The following TGFBR3L variants were observed in gnomAD, a reference collection of about 807,000 sequenced individuals.
TGFBR3L encodes transforming growth factor beta receptor 3 like.
Under a neutral mutation model 20.4 loss-of-function variants are expected in TGFBR3L, and 21 were observed. The ratio of observed to expected loss-of-function variants is 1.03; its 90% CI spans 0.73 to 1.48. The LOEUF (loss-of-function observed/expected upper bound fraction) is 1.48, where lower values mean the gene tolerates loss of function less well. Among genes scored for constraint, TGFBR3L ranks in the 40% most tolerant of loss-of-function variants. The pLI is 0.00. For missense variants in TGFBR3L, 479 were observed against 498.0 expected (o/e 0.96, Z 0.36); for synonymous variants, 245 against 244.2 (o/e 1.00, Z -0.03).
chr19:7,916,435 C>CT lies in TGFBR3L; in HGVS notation c.169dup (p.Trp57LeufsTer72), dbSNP rs1443788337. The CT allele has an allele frequency of 6.5e-6, 10 of 1,534,516 alleles. No homozygotes were observed. Among genetic ancestry groups the CT allele is most frequent in the Non-Finnish European group, 8.7e-6 (10 of 1,146,268 alleles). ...CCCCGTTCCCCGCGGCGCCCGGCCC[C>CT]TGGCTGCGCAGACCCCTCTTCAGCC... is the stretch of plus-strand genomic sequence containing the variant. On this transcript the variant is annotated frameshift_variant, in exon 1 of 6. Transcript: ENST00000565886. LOFTEE classifies it high-confidence loss of function.
chr19:7,917,632 T>C, intron 3 of TGFBR3L, 33 bp downstream of exon 4: 2 of 1,432,502 alleles, frequency 1.4e-6, no homozygotes, highest in Non-Finnish European at 1.8e-6. Flanking sequence ...CATGGGGCCG[T>C]GGGGCGGCAG....
chr19:7,918,533 G>A (rs975494262), intron 5 of TGFBR3L: 2 of 288,316 alleles, frequency 6.9e-6, no homozygotes, highest in Non-Finnish European at 1.3e-5. Flanking sequence ...ACTGCGCCCA[G>A]CCTCCAGGCA....
At chr19:7,917,024 A>G (rs1167312138) in intron 2 of TGFBR3L, 82 bp downstream of exon 3, 2 of 1,244,656 alleles carry the variant, frequency 1.6e-6, no homozygotes, top group Admixed American at 4.3e-5. Flanking sequence ...TGGAAAGAGG[A>G]TACTCTCGGG....
At position 7,915,754 on chromosome 19, in the gene TGFBR3L, G is replaced by C. The variant is rs558876451; in HGVS notation, c.-514G>C. 6.6e-6 allele frequency among the ~76,000 whole-genome samples: 1 copy of C among 152,186 alleles called. No individual in the cohort carries two copies. Among genetic ancestry groups the C allele is most frequent in the Admixed American group, 6.5e-5 (1 of 15,282 alleles). ...CCCTGTCTCAGAAAACAAGAAAAAT[G>C]GATGTGCAGGCAATCTTTCGTATTT... On this transcript the variant is annotated 5_prime_UTR_variant, in exon 1 of 6. Transcript: ENST00000565886.
rs1056991397 is a variant in TGFBR3L at position 7,915,483 on chromosome 19, G to A, written c.-785G>A. Among the ~76,000 whole-genome samples the A allele has an allele frequency of 7.2e-5, 11 of 152,180 alleles. No individual in the cohort carries two copies. Among genetic ancestry groups the A allele is most frequent in the African/African-American group, 1.4e-4 (6 of 41,458 alleles). On this transcript the variant is annotated 5_prime_UTR_variant, in exon 1 of 6. Transcript: ENST00000565886. ...CTCTTCAGAAGTGGGTGTGGTGTGC[G>A]GATGGACAAGGGGGCTCATGCCTGT...
rs912904506 is a variant in TGFBR3L, at chr19:7,914,941, G to C, written c.-1327G>C. ...GCCACCTGGTATGTATGGGCAGGGAGGTGACGGGTCTGTCATGCTTCTATC... is the reference window on the plus strand; with the variant it reads ...GCCACCTGGTATGTATGGGCAGGGACGTGACGGGTCTGTCATGCTTCTATC... On this transcript the variant is annotated 5_prime_UTR_variant, in exon 1 of 6. Coordinates refer to ENST00000565886, the MANE Select transcript of TGFBR3L (RefSeq NM_001195259.2). Among the ~76,000 whole-genome samples the C allele has an allele frequency of 6.6e-6, 1 of 152,206 alleles. No individual in the cohort carries two copies. The highest frequency in any genetic ancestry group is 2.4e-5 in the African/African-American group (1 of 41,448).
intron 5 of TGFBR3L, chr19:7,918,537 C>T (rs920932797): frequency 1.1e-4 from 31 of 289,092 alleles, no homozygotes; most frequent in African/African-American, 6.7e-4. Flanking sequence ...CGCCCAGCCT[C>T]CAGGCACTGT....
At chr19:7,918,015 TGGCGCGCAG>T in intron 4 of TGFBR3L, 33 bp from the exon 6 acceptor site, 2 of 1,524,324 alleles carry the variant, frequency 1.3e-6, no homozygotes, top group African/African-American at 1.4e-5. Flanking sequence ...TAGCCTGGCG[TGGCGCGCAG>T]CAGCCCTTCT....
rs1983312065 is a variant in TGFBR3L at position 7,916,590 on chromosome 19, G to C, written c.277-32G>C. 41 of 1,433,072 alleles carry C rather than the reference G, an allele frequency of 2.9e-5. 1 individual carries two copies. Among genetic ancestry groups the C allele is most frequent in the South Asian group, 1.0e-4 (7 of 67,100 alleles). 88.8% of individuals were successfully genotyped at this position (1,433,072 alleles called of 1,614,324 possible). ...GGGGCGGATGGGGGCCGGTGGGGAC[G>C]GGCGATCCCTGATGGCGCCTCCGTC... On this transcript the variant is annotated intron_variant, in intron 1 of 5. Coordinates refer to ENST00000565886, the MANE Select transcript of TGFBR3L (RefSeq NM_001195259.2).
Position 7,917,793 on chromosome 19 carries a change from G to A in TGFBR3L, c.817G>A (p.Val273Met). 6.9e-7 allele frequency: 1 copy of A among 1,439,962 alleles called. No individual in the cohort carries two copies. The highest frequency in any genetic ancestry group is 1.4e-5 in the South Asian group (1 of 71,420). The allele number at this position is 1,439,962 out of a possible 1,614,324, so 89.2% of individuals were successfully genotyped here. The change falls in exon 4 of 6, where the codon GTG (valine) becomes ATG (methionine). Residue 273 changes from valine to methionine, a missense_variant. Transcript: ENST00000565886. Reference sequence around the variant, plus strand: ...GGAACCCGCGCCGGTGGTGGCGCTGGTGTTGGCAGCCTTCGTGCTGGGCGC... The same window carrying A: ...GGAACCCGCGCCGGTGGTGGCGCTGATGTTGGCAGCCTTCGTGCTGGGCGC...
Position 7,916,939 on chromosome 19 carries a change from G to T in TGFBR3L, c.594G>T (p.Ser198=). 7.8e-7 allele frequency: 1 copy of T among 1,286,598 alleles called. No homozygotes were observed. 79.7% of individuals were successfully genotyped at this position (1,286,598 alleles called of 1,614,324 possible). A position where few individuals can be genotyped will look rare whatever the true frequency, so the allele number is the denominator to read the frequency against. Residue 198 remains serine, a synonymous_variant, in exon 2 of 6, where the codon TCG becomes TCT. Coordinates refer to ENST00000565886, the MANE Select transcript of TGFBR3L (RefSeq NM_001195259.2). ...CGCCGCCGCCGCCGCCGCCGCCATC[G>T]CGGGTGCGCGGGCGCAGAGCCTGGA...
rs769942869 is a variant in TGFBR3L at position 7,918,058 on chromosome 19, G to C, written c.885G>C (p.Ala295=). 4 of 1,533,938 alleles carry C rather than the reference G, an allele frequency of 2.6e-6. 1 individual carries two copies. In the South Asian group the frequency reaches 4.8e-5, roughly 18 times the overall value. ...CTGCAGCTCGCCTCTCCCTTCCAGC[G>C]CCCCACGCCCCTGGCCCGCCCGCGA... Residue 295 remains alanine (A), a splice_region_variant and synonymous_variant, in exon 5 of 6, where the codon GCG becomes GCC. Coordinates refer to ENST00000565886, the MANE Select transcript of TGFBR3L (RefSeq NM_001195259.2).
Position 7,915,444 on chromosome 19 carries a change from A to G in TGFBR3L, c.-824A>G, listed in dbSNP as rs1054945016. Among the ~76,000 whole-genome samples, 2 of 152,110 alleles carry G rather than the reference A, an allele frequency of 1.3e-5. No homozygotes were observed. Among genetic ancestry groups the G allele is most frequent in the Non-Finnish European group, 2.9e-5 (2 of 68,002 alleles). On this transcript the variant is annotated 5_prime_UTR_variant, in exon 1 of 6. Coordinates refer to ENST00000565886, the MANE Select transcript of TGFBR3L (RefSeq NM_001195259.2). ...AGGGCCAGAGTTGTGGGAGGGGGCC[A>G]GTCTACCCAGGTGCTCTTCAGAAGT... is the stretch of plus-strand genomic sequence containing the variant.
Position 7,917,026 on chromosome 19 carries a change from ACT to A in TGFBR3L, c.597+88_597+89del, listed in dbSNP as rs1983343574. On this transcript the variant is annotated intron_variant, in intron 2 of 5. Coordinates refer to ENST00000565886, the MANE Select transcript of TGFBR3L (RefSeq NM_001195259.2). ...GCGACTCTGGCAGTGGAAAGAGGATACTCTCGGGGTCTGAGGATCTGGGGGTT... is the reference window on the plus strand; with the variant it reads ...GCGACTCTGGCAGTGGAAAGAGGATACTCGGGGTCTGAGGATCTGGGGGTT... 3.2e-6 allele frequency: 4 copies of A among 1,237,138 alleles called. No homozygotes were observed. In the South Asian group the frequency reaches 1.3e-4, roughly 41 times the overall value. The allele number at this position is 1,237,138 out of a possible 1,614,324, so 76.6% of individuals were successfully genotyped here. A position where few individuals can be genotyped will look rare whatever the true frequency, so the allele number is the denominator to read the frequency against.
Position 7,916,924 on chromosome 19 carries a change from G to A in TGFBR3L, c.579G>A (p.Pro193=). 2 of 1,294,582 alleles carry A rather than the reference G, an allele frequency of 1.5e-6. No homozygotes were observed. Among genetic ancestry groups the A allele is most frequent in the Non-Finnish European group, 9.7e-7 (1 of 1,029,458 alleles). The allele number at this position is 1,294,582 out of a possible 1,614,324, so 80.2% of individuals were successfully genotyped here. The change falls in exon 2 of 6, where the codon CCG becomes CCA. Residue 193 remains proline (P), a synonymous_variant. Coordinates refer to ENST00000565886, the MANE Select transcript of TGFBR3L (RefSeq NM_001195259.2). ...CGCCTGCGCCTCTGACGCCGCCGCCGCCGCCGCCGCCATCGCGGGTGCGCG... is the reference window on the plus strand; with the variant it reads ...CGCCTGCGCCTCTGACGCCGCCGCCACCGCCGCCGCCATCGCGGGTGCGCG...
At chr19:7,917,646 G>A (rs1740451234) in intron 3 of TGFBR3L, 47 bp downstream of exon 4, 1 of 1,426,760 alleles carries the variant, frequency 7.0e-7, no homozygotes, top group Admixed American at 2.8e-5. Flanking sequence ...GCGGCAGAGC[G>A]GGTGGGAAGG....
chr19:7,917,290 C>T (rs560168629), intron 2 of TGFBR3L, among the ~76,000 whole-genome samples, 183 bp from the exon 4 acceptor site: 8 of 152,132 alleles, frequency 5.3e-5, no homozygotes, highest in Admixed American at 3.9e-4. Context: ...AGGGGCTGGG[C>T]GGCTAGCCAC....
intron 5 of TGFBR3L, 118 bp downstream of exon 6, chr19:7,918,247 G>A (rs1461596853): frequency 5.8e-6 from 6 of 1,026,278 alleles, no homozygotes; most frequent in Non-Finnish European, 8.4e-6. Flanking sequence ...TTGTTTGTTT[G>A]TTTTTTGAGA....
chr19:7,916,013 G>A lies in TGFBR3L; in HGVS notation c.-255G>A. On this transcript the variant is annotated 5_prime_UTR_variant, in exon 1 of 6. Coordinates refer to ENST00000565886, the MANE Select transcript of TGFBR3L (RefSeq NM_001195259.2). Reference sequence around the variant, plus strand: ...GACAGCACCTATCTCCCCTTAGAAAGGGGAGCCGCCTGTCCTGCTGCGTCC... The same window carrying A: ...GACAGCACCTATCTCCCCTTAGAAAAGGGAGCCGCCTGTCCTGCTGCGTCC... 1 of 586,018 alleles carries A rather than the reference G, an allele frequency of 1.7e-6. No homozygotes were observed. Among genetic ancestry groups the A allele is most frequent in the Non-Finnish European group, 2.9e-6 (1 of 350,772 alleles). The allele number at this position is 586,018 out of a possible 1,614,324, so 36.3% of individuals were successfully genotyped here. A position where few individuals can be genotyped will look rare whatever the true frequency, so the allele number is the denominator to read the frequency against.
Sources: allele counts gnomAD v4.1 joint callset (sites outside exome capture counted in the v4.1 genomes callset), GRCh38; gene constraint gnomAD v4.1.1; transcripts MANE v1.5; gene names NCBI Gene and HGNC (gene_info 2026-07-23, HGNC 2026-07-21).